Variants in NTRK2 observed in about 807,000 individuals in gnomAD.
NTRK2 encodes BDNF/NT-3 growth factors receptor.
NTRK2 carries 13 observed loss-of-function variants against 94.5 expected under a neutral mutation model. The observed-to-expected ratio is 0.14, with a 90% confidence interval of 0.09 to 0.22. The LOEUF (loss-of-function observed/expected upper bound fraction) is 0.22, where lower values mean the gene tolerates loss of function less well. Ranked by LOEUF, NTRK2 falls within the 10% of genes least tolerant of loss-of-function variation. NTRK2 has a pLI of 1.00. For synonymous variants in NTRK2, 372 were observed against 407.4 expected, an observed-to-expected ratio of 0.91 and a Z score of 1.05; for missense variants, 639 against 1,071.2, an observed-to-expected ratio of 0.60 and a Z score of 5.63.
intron 1 of NTRK2, among the ~76,000 whole-genome samples, 198 bp from the exon 2 acceptor site, chr9:84,670,179 G>A (rs974339620): frequency 7.2e-5 from 11 of 152,170 alleles, no homozygotes; most frequent in African/African-American, 2.7e-4. Context: ...CGAAGAGAGA[G>A]TGGGCACACT....
intron 12 of NTRK2, among the ~76,000 whole-genome samples, chr9:84,821,841 G>C (rs2072865571): frequency 6.7e-6 from 1 of 150,364 alleles, no homozygotes; most frequent in African/African-American, 2.4e-5. Context: ...GAGAGAGAGA[G>C]AGAGAGAGAG....
rs147957559 is a variant in NTRK2 at position 84,754,236 on chromosome 9, T to G, written c.1396+2151T>G. On this transcript the variant is annotated intron_variant, in intron 12 of 18. Transcript: ENST00000277120. ...CCTACAGCAGTAACTACTATACATA[T>G]TGTATGTTTTGTTCCCTCATTCCTA... Among the ~76,000 whole-genome samples, 745 of 152,248 alleles carry G rather than the reference T, an allele frequency of 4.9e-3. 10 individuals are homozygous for G. The highest frequency in any genetic ancestry group is 3.6e-3 in the Non-Finnish European group (247 of 68,022).
intron 17 of NTRK2, among the ~76,000 whole-genome samples, chr9:84,989,193 A>G (rs1163777444): frequency 6.6e-6 from 1 of 152,078 alleles, no homozygotes; most frequent in East Asian, 1.9e-4. Flanking sequence ...ACCCCACCCC[A>G]CAAACTACTA....
At chr9:84,799,694 ATG>A (rs1330629878) in intron 12 of NTRK2, among the ~76,000 whole-genome samples, 1 of 152,058 alleles carries the variant, frequency 6.6e-6, no homozygotes, top group Non-Finnish European at 1.5e-5. Flanking sequence ...GTTCCTTGCT[ATG>A]AGAATGATCT....
At chr9:84,856,704 T>C (rs1019663317) in intron 12 of NTRK2, among the ~76,000 whole-genome samples, 2 of 152,166 alleles carry the variant, frequency 1.3e-5, no homozygotes, top group African/African-American at 4.8e-5. Context: ...GTAAATCATA[T>C]TTTACCGTTT....
chr9:84,743,475 C>T (rs2063816254), intron 10 of NTRK2, among the ~76,000 whole-genome samples: 1 of 152,002 alleles, frequency 6.6e-6, no homozygotes, highest in African/African-American at 2.4e-5. Flanking sequence ...GCATGTTAAG[C>T]CATATTTCTT....
intron 14 of NTRK2, among the ~76,000 whole-genome samples, chr9:84,916,006 T>A (rs2077381717): frequency 6.6e-6 from 1 of 151,956 alleles, no homozygotes; most frequent in Non-Finnish European, 1.5e-5. Flanking sequence ...GGTTTAGGAT[T>A]GGTAGGGTCC....
At chr9:84,682,596 C>A (rs2059455540) in intron 2 of NTRK2, among the ~76,000 whole-genome samples, 1 of 152,112 alleles carries the variant, frequency 6.6e-6, no homozygotes, top group South Asian at 2.1e-4. Flanking sequence ...CAAATTCGAC[C>A]TCGAGAGCCC....
chr9:84,744,383 C>T (rs1041983254), intron 10 of NTRK2, among the ~76,000 whole-genome samples: 3 of 152,248 alleles, frequency 2.0e-5, no homozygotes, highest in Non-Finnish European at 4.4e-5. Context: ...AAAAAGTTTA[C>T]GTGTGGACCC....
intron 14 of NTRK2, among the ~76,000 whole-genome samples, chr9:84,933,242 G>A (rs968847679): frequency 5.9e-5 from 9 of 152,266 alleles, no homozygotes; most frequent in Non-Finnish European, 8.8e-5. Flanking sequence ...AACATTTAAC[G>A]TGCTGAGTGA....
chr9:84,916,776 A>G (rs2077406568), intron 14 of NTRK2, among the ~76,000 whole-genome samples: 1 of 152,240 alleles, frequency 6.6e-6, no homozygotes, highest in Non-Finnish European at 1.5e-5. Flanking sequence ...TTGCATATTA[A>G]GATCCTAGGC....
In NTRK2 at chr9:85,023,498, G is replaced by C. The variant is rs995655272; in HGVS notation, c.*2061G>C. The C allele has an allele frequency of 4.3e-6, 1 of 232,550 alleles. No individual in the cohort carries two copies. The highest frequency in any genetic ancestry group is 2.2e-5 in the African/African-American group (1 of 45,282). 14.4% of individuals were successfully genotyped at this position (232,550 alleles called of 1,614,324 possible). ...CCAGTAGCAACTGCAGTCAAGCGAG[G>C]GAGTTGACAAGATAAACCTTACGTC... On this transcript the variant is annotated 3_prime_UTR_variant, in exon 19 of 19. Transcript: ENST00000277120.
chr9:84,817,263 G>T (rs2072489618), intron 12 of NTRK2, among the ~76,000 whole-genome samples: 1 of 152,184 alleles, frequency 6.6e-6, no homozygotes, highest in African/African-American at 2.4e-5. Context: ...TATGCAGATT[G>T]TGTGGTTGCA....
chr9:84,789,339 A>T (rs904925957), intron 12 of NTRK2, among the ~76,000 whole-genome samples: 1 of 152,184 alleles, frequency 6.6e-6, no homozygotes, highest in African/African-American at 2.4e-5. Context: ...GGTGTACTGA[A>T]TTAATTGTAT....
At chr9:84,916,794 A>T (rs2077407191) in intron 14 of NTRK2, among the ~76,000 whole-genome samples, 1 of 152,224 alleles carries the variant, frequency 6.6e-6, no homozygotes, top group Non-Finnish European at 1.5e-5. Context: ...GGCTTAGCTG[A>T]TCTATATTGT....
At chr9:84,847,737 A>G (rs924755585) in intron 12 of NTRK2, among the ~76,000 whole-genome samples, 20 of 152,250 alleles carry the variant, frequency 1.3e-4, no homozygotes, top group African/African-American at 4.6e-4. Flanking sequence ...TGTCTGAGCC[A>G]TTGGTTCCAC....
In NTRK2 at chr9:84,708,012, T is replaced by C. The variant is rs540062566; in HGVS notation, c.428+100T>C. On this transcript the variant is annotated intron_variant, in intron 5 of 18. Coordinates refer to ENST00000277120, the MANE Select transcript of NTRK2 (RefSeq NM_006180.6). ...GAGTGATGTTGCAGATCTATTTTTA[T>C]ACCAAATTCTCAAAAAATGATTTCT... 12 of 913,132 alleles carry C rather than the reference T, an allele frequency of 1.3e-5. No homozygotes were observed. In the East Asian group the frequency reaches 2.5e-4, roughly 19 times the overall value. 56.6% of individuals were successfully genotyped at this position (913,132 alleles called of 1,614,324 possible). A position where few individuals can be genotyped will look rare whatever the true frequency, so the allele number is the denominator to read the frequency against.
chr9:84,939,056 A>AT (rs1417609935), intron 15 of NTRK2, among the ~76,000 whole-genome samples: 1 of 150,124 alleles, frequency 6.7e-6, no homozygotes, highest in African/African-American at 2.4e-5. Flanking sequence ...CAACTCAAAA[A>AT]AAAAAAAAAA....
chr9:84,683,766 C>T (rs1407394834), intron 2 of NTRK2, among the ~76,000 whole-genome samples: 1 of 152,184 alleles, frequency 6.6e-6, no homozygotes, highest in Non-Finnish European at 1.5e-5. Flanking sequence ...AATCACCATG[C>T]TCTCTTCCAC....
Sources: allele counts gnomAD v4.1 joint callset (sites outside exome capture counted in the v4.1 genomes callset), GRCh38; gene constraint gnomAD v4.1.1; transcripts MANE v1.5; gene names NCBI Gene and HGNC (gene_info 2026-07-23, HGNC 2026-07-21).